MAP4K4: variants seen among roughly 807,000 people sequenced by gnomAD.
The protein encoded by MAP4K4 is mitogen-activated protein kinase kinase kinase kinase 4, also known as HPK/GCK-like kinase HGK.
MAP4K4 carries 38 observed loss-of-function variants against 189.6 expected under a neutral mutation model. The observed-to-expected ratio is 0.20, with a 90% confidence interval of 0.15 to 0.26. The LOEUF is 0.26. Ranked by LOEUF, MAP4K4 falls within the 10% of genes least tolerant of loss-of-function variation. The probability of loss-of-function intolerance (pLI) is 1.00; values close to 1 mark genes in which losing one functional copy is unlikely to be tolerated. For missense variants in MAP4K4, 1,054 were observed against 1,726.9 expected (o/e 0.61, Z 6.91); for synonymous variants, 610 against 624.3 (o/e 0.98, Z 0.34).
chr2:101,857,367 G>T (rs184397048), intron 13 of MAP4K4, among the ~76,000 whole-genome samples: 5 of 152,308 alleles, frequency 3.3e-5, no homozygotes, highest in African/African-American at 9.6e-5. Flanking sequence ...TGTTTGTGTA[G>T]ATGCGTGTTG....
At chr2:101,771,922 T>G (rs769254156) in intron 2 of MAP4K4, among the ~76,000 whole-genome samples, 26 of 152,180 alleles carry the variant, frequency 1.7e-4, no homozygotes, top group Non-Finnish European at 3.5e-4. Flanking sequence ...GACTGGTGAT[T>G]GATGATTTGG....
At chr2:101,880,701 G>T (rs1163326864) in intron 27 of MAP4K4, among the ~76,000 whole-genome samples, 1 of 152,012 alleles carries the variant, frequency 6.6e-6, no homozygotes, top group African/African-American at 2.4e-5. Context: ...TGGAGACAGG[G>T]TTTCACCATG....
At chr2:101,710,351 A>AT (rs2044720407) in intron 2 of MAP4K4, among the ~76,000 whole-genome samples, 1 of 152,176 alleles carries the variant, frequency 6.6e-6, no homozygotes, top group African/African-American at 2.4e-5. Flanking sequence ...GCCTTCCTTG[A>AT]TTCCCAGAAA....
exon 33 of MAP4K4, chr2:101,891,855 G>T (rs1204672331): frequency 6.6e-6 from 1 of 151,988 alleles, no homozygotes; most frequent in Non-Finnish European, 1.5e-5. Flanking sequence ...TTTTGTGGGT[G>T]GGGCTTGGGA....
chr2:101,778,047 A>G (rs937345702), intron 2 of MAP4K4, among the ~76,000 whole-genome samples: 1 of 152,164 alleles, frequency 6.6e-6, no homozygotes, highest in Non-Finnish European at 1.5e-5. Context: ...GTAATTCCGT[A>G]GGGGTAATTT....
Position 101,858,689 on chromosome 2 carries a change from A to G in MAP4K4, c.1396-307A>G, listed in dbSNP as rs550656528. ...ATTTCTCTGGGGTTTACCAACCTTA[A>G]GAGGAATGGCATACTGTTTTAAAAT... On this transcript the variant is annotated intron_variant, in intron 13 of 32. Transcript: ENST00000324219. 5.8e-3 allele frequency among the ~76,000 whole-genome samples: 883 copies of G among 152,338 alleles called. 7 individuals carry two copies. Among genetic ancestry groups the G allele is most frequent in the South Asian group, 8.7e-3 (42 of 4,826 alleles).
intron 5 of MAP4K4, among the ~76,000 whole-genome samples, chr2:101,826,096 T>C (rs1231307146): frequency 6.6e-6 from 1 of 152,144 alleles, no homozygotes; most frequent in Non-Finnish European, 1.5e-5. Flanking sequence ...TCACAGTTTT[T>C]CTCTCTACTT....
intron 2 of MAP4K4, among the ~76,000 whole-genome samples, chr2:101,774,324 C>T (rs2082911127): frequency 6.6e-6 from 1 of 152,140 alleles, no homozygotes; most frequent in Non-Finnish European, 1.5e-5. Context: ...TGTTGAGCAC[C>T]TTTTCATATA....
chr2:101,769,162 G>A (rs1032864323), intron 2 of MAP4K4, among the ~76,000 whole-genome samples: 1 of 152,162 alleles, frequency 6.6e-6, no homozygotes, highest in Non-Finnish European at 1.5e-5. Context: ...TTCGTTAAGT[G>A]ACTTGGCTTT....
At chr2:101,811,370 C>CAAAAGAAA (rs2095413125) in intron 3 of MAP4K4, among the ~76,000 whole-genome samples, 1 of 68,902 alleles carries the variant, frequency 1.5e-5, no homozygotes, top group Non-Finnish European at 2.6e-5. Context: ...GACTGCGTCT[C>CAAAAGAAA]AAAAAAAAAA....
At chr2:101,789,453 A>T (rs552536198) in intron 2 of MAP4K4, among the ~76,000 whole-genome samples, 26 of 152,250 alleles carry the variant, frequency 1.7e-4, no homozygotes, top group African/African-American at 6.0e-4. Flanking sequence ...CACTACTATG[A>T]TCTCACTTAT....
At chr2:101,886,234 T>G (rs137870588) in intron 29 of MAP4K4, among the ~76,000 whole-genome samples, 1 of 152,354 alleles carries the variant, frequency 6.6e-6, no homozygotes, top group African/African-American at 2.4e-5. Context: ...TTTATACATA[T>G]TACCTTATTT....
At chr2:101,893,468 G>T in exon 33 of MAP4K4, 1 of 337,922 alleles carries the variant, frequency 3.0e-6, no homozygotes, top group Non-Finnish European at 5.9e-6. Context: ...TTAAATTCCT[G>T]CTTGTAATTT....
chr2:101,791,631 T>G (rs1451859725), intron 3 of MAP4K4, among the ~76,000 whole-genome samples: 1 of 152,160 alleles, frequency 6.6e-6, no homozygotes, highest in African/African-American at 2.4e-5. Flanking sequence ...AGCCATAACT[T>G]CCCCAAGTCT....
intron 12 of MAP4K4, among the ~76,000 whole-genome samples, chr2:101,853,696 A>C (rs1025668630): frequency 1.3e-5 from 2 of 152,202 alleles, no homozygotes; most frequent in Admixed American, 6.5e-5. Context: ...ACACAAAGGC[A>C]CATACATTAT....
At chr2:101,837,606 G>GTATA (rs1395570863) in intron 9 of MAP4K4, among the ~76,000 whole-genome samples, 1 of 152,088 alleles carries the variant, frequency 6.6e-6, no homozygotes, top group Non-Finnish European at 1.5e-5. Context: ...AACCATCAGT[G>GTATA]TATATAGCTG....
At chr2:101,830,495 A>G (rs1018441083) in intron 6 of MAP4K4, among the ~76,000 whole-genome samples, 3 of 152,166 alleles carry the variant, frequency 2.0e-5, no homozygotes, top group African/African-American at 7.2e-5. Context: ...ATCACAACAA[A>G]ATTCTTTATG....
exon 1 of MAP4K4, chr2:101,698,114 G>A: frequency 7.8e-7 from 1 of 1,284,054 alleles, no homozygotes; most frequent in Non-Finnish European, 1.0e-6. Flanking sequence ...AAGTCTGGTG[G>A]ACATCGACCT....
At chr2:101,750,424 A>G (rs2068204108) in intron 2 of MAP4K4, among the ~76,000 whole-genome samples, 2 of 144,684 alleles carry the variant, frequency 1.4e-5, no homozygotes, top group Admixed American at 1.4e-4. Context: ...AAAACCAAAC[A>G]CCGCATATTC....
Sources: allele counts gnomAD v4.1 joint callset (sites outside exome capture counted in the v4.1 genomes callset), GRCh38; gene constraint gnomAD v4.1.1; transcripts MANE v1.5; gene names NCBI Gene and HGNC (gene_info 2026-07-23, HGNC 2026-07-21).